Variants in JAKMIP2 observed in about 807,000 individuals in gnomAD.
JAKMIP2 encodes the protein janus kinase and microtubule interacting protein 2, also known as janus kinase and microtubule-interacting protein 2.
In JAKMIP2, 25 loss-of-function variants were observed where a neutral mutation model predicts 115.0. The observed-to-expected ratio is 0.22, with a 90% CI of 0.16 to 0.30. The LOEUF (loss-of-function observed/expected upper bound fraction) is 0.30, where lower values mean the gene tolerates loss of function less well. JAKMIP2 is among the 10% of genes least tolerant of loss of function. The pLI is 1.00. For synonymous variants in JAKMIP2, 334 were observed against 343.6 expected (o/e 0.97, Z 0.31); for missense variants, 642 against 957.6 (o/e 0.67, Z 4.35).
At chr5:147,640,574 T>C in intron 9 of JAKMIP2, 130 bp downstream of exon 9, 1 of 856,502 alleles carries the variant, frequency 1.2e-6, no homozygotes, top group East Asian at 2.7e-5. Context: ...GCCTCAAAAT[T>C]GTTTACTATT....
rs1758018128 is a variant in JAKMIP2, at chr5:147,644,236, A to T, written c.1084-38T>A. 4.8e-6 allele frequency: 7 copies of T among 1,472,912 alleles called. No homozygotes were observed. The East Asian group carries it at 1.6e-4, about 34-fold the overall frequency. 91.2% of individuals were successfully genotyped at this position (1,472,912 alleles called of 1,614,324 possible). A position where few individuals can be genotyped will look rare whatever the true frequency, so the allele number is the denominator to read the frequency against. The stretch of plus-strand genomic sequence containing the variant: ...AGAAGAAAGTACAGGTGGAGACTTT[A>T]AAAACCTCAAACTTTGGTTGTTAAC... On this transcript the variant is annotated intron_variant, in intron 6 of 21. Transcript: ENST00000616793.
intron 20 of JAKMIP2, among the ~76,000 whole-genome samples, chr5:147,611,327 G>A (rs889988094): frequency 6.6e-6 from 1 of 152,124 alleles, no homozygotes; most frequent in Non-Finnish European, 1.5e-5. Flanking sequence ...GGCACCTGAG[G>A]GAATCTTCTG....
chr5:147,600,648 C>A (rs1755647096), intron 21 of JAKMIP2, among the ~76,000 whole-genome samples: 1 of 152,076 alleles, frequency 6.6e-6, no homozygotes, highest in South Asian at 2.1e-4. Flanking sequence ...ATTTGGCCGG[C>A]CATCAGAATC....
intron 1 of JAKMIP2, among the ~76,000 whole-genome samples, chr5:147,689,661 G>T (rs1191799988): frequency 6.6e-6 from 1 of 152,170 alleles, no homozygotes; most frequent in Non-Finnish European, 1.5e-5. Context: ...AATGTATAAA[G>T]CTCTCACTCT....
chr5:147,754,231 A>G (rs1292306967), intron 1 of JAKMIP2, among the ~76,000 whole-genome samples: 1 of 152,156 alleles, frequency 6.6e-6, no homozygotes, highest in African/African-American at 2.4e-5. Context: ...TAACAAGGAG[A>G]AACATTTAAA....
chr5:147,631,815 C>T (rs765131871), intron 13 of JAKMIP2, among the ~76,000 whole-genome samples: 10 of 152,124 alleles, frequency 6.6e-5, no homozygotes, highest in South Asian at 4.1e-4. Flanking sequence ...AATATCTCAG[C>T]GTGGTCTTGC....
chr5:147,683,162 G>A (rs1479215916), intron 1 of JAKMIP2, among the ~76,000 whole-genome samples: 8 of 152,150 alleles, frequency 5.3e-5, no homozygotes, highest in African/African-American at 1.9e-4. Context: ...CCCACCTGAG[G>A]CAGGTAATTG....
chr5:147,674,213 A>T (rs984745772), intron 1 of JAKMIP2, among the ~76,000 whole-genome samples: 24 of 152,148 alleles, frequency 1.6e-4, no homozygotes, highest in African/African-American at 5.6e-4. Flanking sequence ...CCTAGAAATT[A>T]TATTTTCTTC....
At chr5:147,715,423 C>A (rs1752937647) in intron 1 of JAKMIP2, among the ~76,000 whole-genome samples, 1 of 151,178 alleles carries the variant, frequency 6.6e-6, no homozygotes, top group African/African-American at 2.4e-5. Flanking sequence ...AAGAGTCTTT[C>A]TATTAATATA....
In JAKMIP2 at chr5:147,591,446, T is replaced by C. The variant is rs767697001; in HGVS notation, c.*261A>G. ...CAATATATGTTTATAGTTCTTCTCTTCTGATTTGACATATACATGTTTCAT... is the reference window on the plus strand; with the variant it reads ...CAATATATGTTTATAGTTCTTCTCTCCTGATTTGACATATACATGTTTCAT... On this transcript the variant is annotated 3_prime_UTR_variant, in exon 22 of 22. Coordinates refer to ENST00000616793, the MANE Select transcript of JAKMIP2 (RefSeq NM_001270941.2). The C allele has an allele frequency of 5.6e-6, 3 of 532,688 alleles. No individual in the cohort carries two copies. Among genetic ancestry groups the C allele is most frequent in the South Asian group, 2.7e-5 (1 of 37,726 alleles). 33.0% of individuals were successfully genotyped at this position (532,688 alleles called of 1,614,324 possible).
intron 3 of JAKMIP2, among the ~76,000 whole-genome samples, chr5:147,657,313 A>G (rs1215095863): frequency 6.6e-6 from 1 of 152,126 alleles, no homozygotes. Context: ...AAACAAAAAG[A>G]ATGTTGACTA....
chr5:147,782,365 A>G lies in JAKMIP2; in HGVS notation c.-149+91T>C, dbSNP rs1644138968. The G allele has an allele frequency of 2.4e-6, 3 of 1,245,872 alleles. No individual in the cohort carries two copies. In the Admixed American group the frequency reaches 5.9e-5, roughly 25 times the overall value. The allele number at this position is 1,245,872 out of a possible 1,614,324, so 77.2% of individuals were successfully genotyped here. A position where few individuals can be genotyped will look rare whatever the true frequency, so the allele number is the denominator to read the frequency against. ...TCCCCCTTCTAGTCTGAGGCACGGG[A>G]GTCATTGTTCAAGTTCAGGCCAGAA... On this transcript the variant is annotated intron_variant, in intron 1 of 21. Coordinates refer to ENST00000616793, the MANE Select transcript of JAKMIP2 (RefSeq NM_001270941.2).
At chr5:147,727,791 T>C (rs1246524986) in intron 1 of JAKMIP2, among the ~76,000 whole-genome samples, 1 of 152,224 alleles carries the variant, frequency 6.6e-6, no homozygotes, top group Non-Finnish European at 1.5e-5. Flanking sequence ...CCTTTATGTT[T>C]TATTCTCTTC....
chr5:147,769,263 C>T (rs1010926777), intron 1 of JAKMIP2, among the ~76,000 whole-genome samples: 3 of 152,086 alleles, frequency 2.0e-5, no homozygotes, highest in Non-Finnish European at 2.9e-5. Context: ...TCATCTTCCT[C>T]ATCATCATGA....
intron 1 of JAKMIP2, among the ~76,000 whole-genome samples, chr5:147,685,089 G>A (rs1014554739): frequency 6.6e-6 from 1 of 152,130 alleles, no homozygotes; most frequent in Non-Finnish European, 1.5e-5. Flanking sequence ...CCTATAACTT[G>A]AGTTAATAGG....
At chr5:147,624,213 A>G (rs1350699728) in intron 16 of JAKMIP2, among the ~76,000 whole-genome samples, 1 of 152,200 alleles carries the variant, frequency 6.6e-6, no homozygotes, top group African/African-American at 2.4e-5. Context: ...AAATGCATTT[A>G]TGGATGACTA....
At chr5:147,707,252 T>C (rs1047625866) in intron 1 of JAKMIP2, among the ~76,000 whole-genome samples, 1 of 152,198 alleles carries the variant, frequency 6.6e-6, no homozygotes, top group Admixed American at 6.5e-5. Context: ...GGCATGTTTG[T>C]AGCATCCTCG....
chr5:147,598,448 C>CTATCTA (rs1755516886), intron 21 of JAKMIP2, among the ~76,000 whole-genome samples: 4 of 151,970 alleles, frequency 2.6e-5, no homozygotes. Flanking sequence ...ATCTATCTAT[C>CTATCTA]TATCTATCTA....
chr5:147,682,887 ACTC>A (rs1431759169), intron 1 of JAKMIP2, among the ~76,000 whole-genome samples: 1 of 152,104 alleles, frequency 6.6e-6, no homozygotes, highest in Non-Finnish European at 1.5e-5. Flanking sequence ...GCTTAATTTC[ACTC>A]CTCAGCACTG....
Sources: allele counts gnomAD v4.1 joint callset (sites outside exome capture counted in the v4.1 genomes callset), GRCh38; gene constraint gnomAD v4.1.1; transcripts MANE v1.5; gene names NCBI Gene and HGNC (gene_info 2026-07-23, HGNC 2026-07-21).